GDAP2: variants seen among roughly 807,000 people sequenced by gnomAD.
GDAP2 encodes the protein ganglioside induced differentiation associated protein 2, also known as ganglioside-induced differentiation-associated protein 2.
In GDAP2, 51 loss-of-function variants were observed where a neutral mutation model predicts 67.0. The ratio of observed to expected loss-of-function variants is 0.76; its 90% confidence interval spans 0.61 to 0.96. GDAP2 has a LOEUF of 0.96. Among genes scored for constraint, GDAP2 ranks in the 40% least tolerant of loss-of-function variants. GDAP2 has a pLI of 0.00. For missense variants in GDAP2, 547 were observed against 588.3 expected, an observed-to-expected ratio of 0.93 and a Z score of 0.73; for synonymous variants, 203 against 207.3, an observed-to-expected ratio of 0.98 and a Z score of 0.18.
chr1:117,881,962 C>T (rs1024941162), intron 11 of GDAP2, 85 bp from the exon 12 acceptor site: 6 of 743,246 alleles, frequency 8.1e-6, no homozygotes, highest in Non-Finnish European at 1.5e-5. Context: ...AACTATTTGC[C>T]TGAGTATATA....
chr1:117,870,670 GA>G, intron 13 of GDAP2, 54 bp from the exon 14 acceptor site: 1 of 1,180,982 alleles, frequency 8.5e-7, no homozygotes, highest in Admixed American at 1.7e-5. Flanking sequence ...AATTTAACTG[GA>G]AATGTGAAAA....
At position 117,864,732 on chromosome 1, in the gene GDAP2, G is replaced by C. The variant is rs1648002972; in HGVS notation, c.*5837C>G. On this transcript the variant is annotated 3_prime_UTR_variant, in exon 14 of 14. Transcript: ENST00000369443. ...TTAAGCAAAAACTGAGGAGCTAAGA[G>C]ATTTTTTTCCTTATTAAAAAGTGAA... is the stretch of plus-strand genomic sequence containing the variant. 1 of 152,110 alleles carries C rather than the reference G, an allele frequency of 6.6e-6. No individual in the cohort carries two copies. Among genetic ancestry groups the C allele is most frequent in the African/African-American group, 2.4e-5 (1 of 41,440 alleles). The allele number at this position is 152,110 out of a possible 1,614,324, so 9.4% of individuals were successfully genotyped here.
In GDAP2 at chr1:117,869,083, G is replaced by A. The variant is rs1179972098; in HGVS notation, c.*1486C>T. On this transcript the variant is annotated 3_prime_UTR_variant, in exon 14 of 14. Transcript: ENST00000369443. Reference sequence around the variant, plus strand: ...GCAGAAAAGAATGGGACCCTTGGAAGCACTGATCTGGAGCACATGATAGAA... The same window carrying A: ...GCAGAAAAGAATGGGACCCTTGGAAACACTGATCTGGAGCACATGATAGAA... 1 of 152,088 alleles carries A rather than the reference G, an allele frequency of 6.6e-6. No homozygotes were observed. Among genetic ancestry groups the A allele is most frequent in the Non-Finnish European group, 1.5e-5 (1 of 68,026 alleles). The allele number at this position is 152,088 out of a possible 1,614,324, so 9.4% of individuals were successfully genotyped here.
chr1:117,893,993 A>C (rs1274688005), intron 8 of GDAP2, among the ~76,000 whole-genome samples: 1 of 152,170 alleles, frequency 6.6e-6, no homozygotes, highest in Non-Finnish European at 1.5e-5. Flanking sequence ...TGTATTTTTT[A>C]ACTTGCAAAT....
intron 8 of GDAP2, 86 bp from the exon 9 acceptor site, chr1:117,887,860 A>G: frequency 2.6e-6 from 2 of 762,022 alleles, no homozygotes; most frequent in South Asian, 3.2e-5. Context: ...CCCTTCCCTG[A>G]CCCTAAAAAT....
chr1:117,912,537 G>A lies in GDAP2; in HGVS notation c.463C>T (p.Leu155=), dbSNP rs1557807723. 2 of 1,612,898 alleles carry A rather than the reference G, an allele frequency of 1.2e-6. No individual in the cohort carries two copies. The highest frequency in any genetic ancestry group is 2.2e-5 in the East Asian group (1 of 44,858). The change falls in exon 4 of 14, where the codon CTA becomes TTA. Residue 155 remains leucine (L), a synonymous_variant. Transcript: ENST00000369443. ...AAAATGAGTAGACCATACTTTGCTA[G>A]TTGAAGTACGTTTCTGTAGCAGCTA... ...LYSCYRNVLQ[L]AKEQSMSSVG...
At chr1:117,871,302 A>AT (rs578004550) in intron 13 of GDAP2, among the ~76,000 whole-genome samples, 1 of 152,178 alleles carries the variant, frequency 6.6e-6, no homozygotes, top group African/African-American at 2.4e-5. Context: ...GCAAGGGGGA[A>AT]TTTTTTGGCT....
chr1:117,915,218 C>T (rs1422082047), intron 3 of GDAP2, among the ~76,000 whole-genome samples: 2 of 152,156 alleles, frequency 1.3e-5, no homozygotes, highest in Non-Finnish European at 2.9e-5. Flanking sequence ...AACTTGACTC[C>T]ATTAGACATA....
chr1:117,923,091 C>T (rs900383284), intron 1 of GDAP2, among the ~76,000 whole-genome samples: 4 of 152,200 alleles, frequency 2.6e-5, no homozygotes, highest in Non-Finnish European at 5.9e-5. Flanking sequence ...TCCTGCCCTG[C>T]CCACAGGCAG....
chr1:117,899,354 G>A lies in GDAP2; in HGVS notation c.637-138C>T, dbSNP rs116563732. 2.3e-3 allele frequency: 1,461 copies of A among 633,210 alleles called. 13 individuals carry two copies. In the African/African-American group the frequency reaches 0.024, roughly 10 times the overall value. The allele number at this position is 633,210 out of a possible 1,614,324, so 39.2% of individuals were successfully genotyped here. A position where few individuals can be genotyped will look rare whatever the true frequency, so the allele number is the denominator to read the frequency against. ...CTTTACCACTTCTGAGCTCAGACTC[G>A]ATACTGTCTGAAACCCTCAATCAGC... On this transcript the variant is annotated intron_variant, in intron 6 of 13. Coordinates refer to ENST00000369443, the MANE Select transcript of GDAP2 (RefSeq NM_017686.4).
At chr1:117,911,161 G>A (rs1411279899) in intron 5 of GDAP2, among the ~76,000 whole-genome samples, 2 of 152,244 alleles carry the variant, frequency 1.3e-5, no homozygotes, top group East Asian at 3.9e-4. Flanking sequence ...AGTGTCTCAT[G>A]CAATATGACA....
intron 10 of GDAP2, among the ~76,000 whole-genome samples, chr1:117,883,966 C>T (rs978805096): frequency 6.6e-6 from 1 of 152,132 alleles, no homozygotes; most frequent in Non-Finnish European, 1.5e-5. Flanking sequence ...TTTTCTCTCT[C>T]CAGGACAATG....
chr1:117,878,179 T>G (rs1421483842), intron 12 of GDAP2, 27 bp from the exon 13 acceptor site: 1 of 1,253,480 alleles, frequency 8.0e-7, no homozygotes, highest in East Asian at 2.4e-5. Context: ...AAAAAATAAT[T>G]TAAGCTAGTT....
chr1:117,864,314 G>C lies in GDAP2; in HGVS notation c.*6255C>G, dbSNP rs1647990828. On this transcript the variant is annotated 3_prime_UTR_variant, in exon 14 of 14. Coordinates refer to ENST00000369443, the MANE Select transcript of GDAP2 (RefSeq NM_017686.4). ...ACATTAGTGGTGGAAGGCTTATGGA[G>C]AACAGAGGCTGTTTTAATAGGGGAA... The C allele has an allele frequency of 6.6e-6, 1 of 152,224 alleles. No homozygotes were observed. The highest frequency in any genetic ancestry group is 1.5e-5 in the Non-Finnish European group (1 of 68,046). 9.4% of individuals were successfully genotyped at this position (152,224 alleles called of 1,614,324 possible). A position where few individuals can be genotyped will look rare whatever the true frequency, so the allele number is the denominator to read the frequency against.
intron 13 of GDAP2, among the ~76,000 whole-genome samples, chr1:117,873,433 T>C (rs947511612): frequency 9.9e-5 from 15 of 151,948 alleles, no homozygotes; most frequent in African/African-American, 3.6e-4. Flanking sequence ...TTTAAACAGA[T>C]ACTAACCACT....
chr1:117,883,331 G>C, intron 11 of GDAP2, 157 bp downstream of exon 11: 1 of 538,772 alleles, frequency 1.9e-6, no homozygotes, highest in Non-Finnish European at 3.3e-6. Context: ...TTTCAGTTAC[G>C]GAGGGTCTCC....
At chr1:117,876,202 TG>T (rs1648448158) in intron 13 of GDAP2, among the ~76,000 whole-genome samples, 1 of 152,124 alleles carries the variant, frequency 6.6e-6, no homozygotes. Flanking sequence ...GCTGTCCTTG[TG>T]GTAATAAGTA....
chr1:117,894,891 G>A (rs572095683), intron 8 of GDAP2, among the ~76,000 whole-genome samples: 2 of 152,242 alleles, frequency 1.3e-5, no homozygotes, highest in South Asian at 2.1e-4. Flanking sequence ...AAGCTTGACA[G>A]TTCCTAATAT....
chr1:117,913,975 C>G (rs1003366148), intron 3 of GDAP2, among the ~76,000 whole-genome samples: 10 of 152,144 alleles, frequency 6.6e-5, no homozygotes, highest in African/African-American at 2.4e-4. Context: ...GCCAGGAAGA[C>G]AGCCCTTAGC....
Sources: allele counts gnomAD v4.1 joint callset (sites outside exome capture counted in the v4.1 genomes callset), GRCh38; gene constraint gnomAD v4.1.1; transcripts MANE v1.5; gene names NCBI Gene and HGNC (gene_info 2026-07-23, HGNC 2026-07-21).